DCUN1D2: variants seen among roughly 807,000 people sequenced by gnomAD.
The protein encoded by DCUN1D2 is DCN1-like protein 2.
In DCUN1D2, 29 loss-of-function variants were observed where a neutral mutation model predicts 30.9. That is an observed-to-expected ratio of 0.94 (90% CI 0.70 to 1.28). DCUN1D2 has a LOEUF of 1.28. Among genes scored for constraint, DCUN1D2 ranks in the 50% most tolerant of loss-of-function variants. The pLI is 0.00. For missense variants in DCUN1D2, 325 were observed against 316.9 expected (o/e 1.03, Z -0.19); for synonymous variants, 121 against 115.3 (o/e 1.05, Z -0.32).
intron 4 of DCUN1D2, among the ~76,000 whole-genome samples, chr13:113,472,922 C>A (rs1172478233): frequency 2.0e-5 from 3 of 152,150 alleles, no homozygotes; most frequent in Admixed American, 1.3e-4. Flanking sequence ...TTCTCTCTCA[C>A]CAGCCCCGTC....
intron 3 of DCUN1D2, among the ~76,000 whole-genome samples, chr13:113,480,252 T>C (rs2044684856): frequency 6.6e-6 from 1 of 152,174 alleles, no homozygotes; most frequent in Admixed American, 6.5e-5. Context: ...TAATATACAG[T>C]ATTATGAAAT....
At chr13:113,464,065 A>G (rs1167393698) in intron 4 of DCUN1D2, among the ~76,000 whole-genome samples, 5 of 152,206 alleles carry the variant, frequency 3.3e-5, no homozygotes, top group Admixed American at 2.0e-4. Context: ...AAGCCCTCAA[A>G]AAACTTTTCT....
At chr13:113,464,204 A>C (rs2044365204) in intron 4 of DCUN1D2, among the ~76,000 whole-genome samples, 1 of 152,230 alleles carries the variant, frequency 6.6e-6, no homozygotes, top group African/African-American at 2.4e-5. Context: ...AAAACCAGTA[A>C]TGCTTCCCAT....
At position 113,465,512 on chromosome 13, in the gene DCUN1D2, A is replaced by G. The variant is rs1054318813; in HGVS notation, c.521-4376T>C. The stretch of plus-strand genomic sequence containing the variant: ...AACAGAGAGAAGTAAAAAAAAAAAA[A>G]CAAACAAACCCTGCATGAGATGAAG... On this transcript the variant is annotated intron_variant, in intron 4 of 6. Coordinates refer to ENST00000478244, the MANE Select transcript of DCUN1D2 (RefSeq NM_001014283.2). Among the ~76,000 whole-genome samples, 4 of 151,344 alleles carry G rather than the reference A, an allele frequency of 2.6e-5. No homozygotes were observed. The South Asian group carries it at 8.3e-4, about 32-fold the overall frequency.
At chr13:113,463,994 C>T (rs1566493852) in intron 4 of DCUN1D2, among the ~76,000 whole-genome samples, 5 of 152,184 alleles carry the variant, frequency 3.3e-5, no homozygotes, top group South Asian at 2.1e-4. Flanking sequence ...GGTAAACTGA[C>T]GGCTCTACTT....
At chr13:113,484,144 A>G (rs1288928637) in intron 1 of DCUN1D2, 88 bp from the exon 2 acceptor site, 1 of 1,568,552 alleles carries the variant, frequency 6.4e-7, no homozygotes, top group Non-Finnish European at 8.6e-7. Flanking sequence ...TTAACTGGGC[A>G]GAATTAGAGA....
At chr13:113,487,631 T>A (rs1012839899) in intron 1 of DCUN1D2, among the ~76,000 whole-genome samples, 1 of 152,170 alleles carries the variant, frequency 6.6e-6, no homozygotes, top group Non-Finnish European at 1.5e-5. Context: ...ATTTCACTTA[T>A]ATGAAATATC....
chr13:113,458,473 T>G (rs1385623306), intron 6 of DCUN1D2, among the ~76,000 whole-genome samples: 3 of 152,258 alleles, frequency 2.0e-5, no homozygotes, highest in African/African-American at 7.2e-5. Context: ...CAGGGGGTGC[T>G]CCCTCCTGCG....
chr13:113,467,558 G>A (rs2044426618), intron 4 of DCUN1D2, among the ~76,000 whole-genome samples: 1 of 151,854 alleles, frequency 6.6e-6, no homozygotes, highest in African/African-American at 2.4e-5. Flanking sequence ...ATAAAGAGCA[G>A]TCTTGGGTAC....
chr13:113,468,535 CAAA>C (rs1345891213), intron 4 of DCUN1D2, among the ~76,000 whole-genome samples: 3 of 152,104 alleles, frequency 2.0e-5, no homozygotes, highest in African/African-American at 7.2e-5. Context: ...GGTTAAAAGA[CAAA>C]AGAACAGTCC....
At chr13:113,485,390 G>A (rs2044783948) in intron 1 of DCUN1D2, among the ~76,000 whole-genome samples, 1 of 152,150 alleles carries the variant, frequency 6.6e-6, no homozygotes, top group African/African-American at 2.4e-5. Context: ...TTAGTACAAG[G>A]ACGTGCCTGT....
chr13:113,474,416 T>G (rs1468738806), intron 3 of DCUN1D2, among the ~76,000 whole-genome samples, 162 bp from the exon 4 acceptor site: 1 of 152,144 alleles, frequency 6.6e-6, no homozygotes, highest in Non-Finnish European at 1.5e-5. Context: ...AGTGATGATG[T>G]AAGAGAAGAT....
At chr13:113,467,711 T>C (rs905683777) in intron 4 of DCUN1D2, among the ~76,000 whole-genome samples, 11 of 152,126 alleles carry the variant, frequency 7.2e-5, no homozygotes, top group Non-Finnish European at 1.6e-4. Context: ...AGAATTACCA[T>C]ACATTCCAGT....
At position 113,488,692 on chromosome 13, in the gene DCUN1D2, G is replaced by C. The variant is rs904230092; in HGVS notation, c.3+1975C>G. Reference sequence around the variant, plus strand: ...CAAATTAACAAAGGCCCAGACGTTGGCAAGAAGCTTCGAGTGCACCCAGAC... The same window carrying C: ...CAAATTAACAAAGGCCCAGACGTTGCCAAGAAGCTTCGAGTGCACCCAGAC... On this transcript the variant is annotated intron_variant, in intron 1 of 6. Coordinates refer to ENST00000478244, the MANE Select transcript of DCUN1D2 (RefSeq NM_001014283.2). This position sits in a 1 kb window ranked among gnomAD's most constrained non-coding sequence, Gnocchi z 4.3. Among the ~76,000 whole-genome samples, 4 of 152,186 alleles carry C rather than the reference G, an allele frequency of 2.6e-5. No homozygotes were observed. Among genetic ancestry groups the C allele is most frequent in the Non-Finnish European group, 5.9e-5 (4 of 68,032 alleles).
At chr13:113,478,686 AT>A (rs1368850865) in intron 3 of DCUN1D2, among the ~76,000 whole-genome samples, 1 of 151,874 alleles carries the variant, frequency 6.6e-6, no homozygotes, top group Non-Finnish European at 1.5e-5. Context: ...TTCCATTGTA[AT>A]TTCTTTCTCA....
At chr13:113,474,929 T>C (rs1020142882) in intron 3 of DCUN1D2, among the ~76,000 whole-genome samples, 50 of 152,358 alleles carry the variant, frequency 3.3e-4, no homozygotes, top group African/African-American at 1.2e-3. Context: ...CAGCTCTATG[T>C]TGTTTTAGAA....
At chr13:113,472,991 GCCTCTGTC>G (rs1264131225) in intron 4 of DCUN1D2, among the ~76,000 whole-genome samples, 1 of 125,182 alleles carries the variant, frequency 8.0e-6, no homozygotes, top group African/African-American at 3.2e-5. Context: ...GTCCCCCCGT[GCCTCTGTC>G]CCTCTGTCCC....
intron 4 of DCUN1D2, among the ~76,000 whole-genome samples, chr13:113,464,574 C>T (rs959709295): frequency 2.6e-5 from 4 of 152,354 alleles, no homozygotes; most frequent in East Asian, 1.9e-4. Flanking sequence ...GTGGAAGGGA[C>T]GCTGCGCGTT....
At position 113,488,598 on chromosome 13, in the gene DCUN1D2, A is replaced by G. The variant is rs372280078; in HGVS notation, c.3+2069T>C. 2.2e-4 allele frequency among the ~76,000 whole-genome samples: 34 copies of G among 152,344 alleles called. No homozygotes were observed. Among genetic ancestry groups the G allele is most frequent in the African/African-American group, 7.7e-4 (32 of 41,586 alleles). Reference sequence around the variant, plus strand: ...TCCCTCTAGACAGGACTAAACCCAGATCAAATTTACAAAGGCCCAGACATT... The same window carrying G: ...TCCCTCTAGACAGGACTAAACCCAGGTCAAATTTACAAAGGCCCAGACATT... On this transcript the variant is annotated intron_variant, in intron 1 of 6. Coordinates refer to ENST00000478244, the MANE Select transcript of DCUN1D2 (RefSeq NM_001014283.2). This position sits in a 1 kb window ranked among gnomAD's most constrained non-coding sequence, Gnocchi z 4.3.
Sources: gnomAD v4.1 joint callset for allele counts (sites outside exome capture counted in the v4.1 genomes callset) on GRCh38, gnomAD v4.1.1 for gene constraint, Gnocchi (gnomAD v3.1) non-coding constraint, MANE v1.5 for transcripts, NCBI Gene and HGNC (gene_info 2026-07-23, HGNC 2026-07-21) for gene names.